The following USP43 variants were observed in gnomAD, a reference collection of about 807,000 sequenced individuals.
USP43 encodes the protein ubiquitin carboxyl-terminal hydrolase 43.
In USP43, 33 loss-of-function variants were observed where a neutral mutation model predicts 90.7. The observed-to-expected ratio is 0.36, with a 90% confidence interval of 0.28 to 0.49. USP43 has a LOEUF of 0.49. Among genes scored for constraint, USP43 ranks in the 20% least tolerant of loss-of-function variants. The pLI is 0.98. For synonymous variants in USP43, 598 were observed against 615.8 expected (o/e 0.97, Z 0.43); for missense variants, 1,274 against 1,476.4 (o/e 0.86, Z 2.25).
In USP43 at chr17:9,694,913, C is replaced by T. The variant is rs1042469000; in HGVS notation, c.1457+1683C>T. Among the ~76,000 whole-genome samples, 10 of 152,284 alleles carry T rather than the reference C, an allele frequency of 6.6e-5. No homozygotes were observed. The Middle Eastern group carries it at 0.01, about 155-fold the overall frequency. Reference sequence around the variant, plus strand: ...TGGTGGGATTACAGGTGTGAGCCACCGCACCCGGCCTATTATTTCTTTTTA... The same window carrying T: ...TGGTGGGATTACAGGTGTGAGCCACTGCACCCGGCCTATTATTTCTTTTTA... On this transcript the variant is annotated intron_variant, in intron 9 of 14. Coordinates refer to ENST00000285199, the MANE Select transcript of USP43 (RefSeq NM_153210.5).
intron 9 of USP43, among the ~76,000 whole-genome samples, chr17:9,699,105 G>A (rs976720287): frequency 5.9e-5 from 9 of 152,346 alleles, no homozygotes; most frequent in African/African-American, 1.7e-4. Flanking sequence ...AGGCATGGGT[G>A]GGGGAGAATG....
At chr17:9,687,241 G>A (rs1914648561) in intron 8 of USP43, among the ~76,000 whole-genome samples, 1 of 151,680 alleles carries the variant, frequency 6.6e-6, no homozygotes, top group Admixed American at 6.6e-5. Flanking sequence ...CATTCCCTAA[G>A]CATTTACATT....
intron 2 of USP43, among the ~76,000 whole-genome samples, chr17:9,657,692 A>T (rs1296008328): frequency 2.0e-5 from 3 of 151,868 alleles, no homozygotes; most frequent in Non-Finnish European, 2.9e-5. Context: ...AACAGCCCTT[A>T]TAAAACCATC....
chr17:9,704,521 T>C (rs1915765233), intron 12 of USP43, among the ~76,000 whole-genome samples: 1 of 152,198 alleles, frequency 6.6e-6, no homozygotes, highest in Non-Finnish European at 1.5e-5. Context: ...TTCACCATGT[T>C]GGACAGGCTG....
rs568014214 is a variant in USP43, at chr17:9,691,222, C to A, written c.1354-1905C>A. On this transcript the variant is annotated intron_variant, in intron 8 of 14. Coordinates refer to ENST00000285199, the MANE Select transcript of USP43 (RefSeq NM_153210.5). The stretch of plus-strand genomic sequence containing the variant: ...CTCCACCTCCCAGATTCAACTGATT[C>A]TCCTGCCTCAGCCTCCTGAGTAGCT... Among the ~76,000 whole-genome samples the A allele has an allele frequency of 4.0e-5, 6 of 151,570 alleles. No homozygotes were observed. In the South Asian group the frequency reaches 1.3e-3, roughly 32 times the overall value.
chr17:9,650,636 C>G (rs186471788), intron 1 of USP43, among the ~76,000 whole-genome samples: 1 of 152,128 alleles, frequency 6.6e-6, no homozygotes, highest in African/African-American at 2.4e-5. Flanking sequence ...CGCCTGACCC[C>G]AAGTGATCCA....
intron 1 of USP43, among the ~76,000 whole-genome samples, chr17:9,654,642 A>G (rs1912107025): frequency 6.7e-6 from 1 of 149,482 alleles, no homozygotes; most frequent in Non-Finnish European, 1.5e-5. Flanking sequence ...AGAGTGAAAC[A>G]CTGTCTTAAA....
At chr17:9,672,221 T>C (rs1913484374) in intron 3 of USP43, among the ~76,000 whole-genome samples, 1 of 152,146 alleles carries the variant, frequency 6.6e-6, no homozygotes, top group African/African-American at 2.4e-5. Flanking sequence ...GGTCTCGAAC[T>C]TCTGACCTCA....
At chr17:9,685,448 T>C (rs1291674473) in intron 7 of USP43, among the ~76,000 whole-genome samples, 1 of 152,216 alleles carries the variant, frequency 6.6e-6, no homozygotes, top group Non-Finnish European at 1.5e-5. Context: ...CATCTGGATT[T>C]ATGTCTCTGC....
intron 9 of USP43, among the ~76,000 whole-genome samples, chr17:9,698,732 G>T (rs1023997310): frequency 1.3e-5 from 2 of 152,180 alleles, no homozygotes; most frequent in Non-Finnish European, 2.9e-5. Context: ...GAGCATGAAG[G>T]TACCAGTTTT....
chr17:9,699,780 G>A (rs1444220098), intron 9 of USP43, among the ~76,000 whole-genome samples: 4 of 152,182 alleles, frequency 2.6e-5, no homozygotes, highest in African/African-American at 9.7e-5. Context: ...CTGCATTGCA[G>A]TTGGGGGAAA....
At chr17:9,702,818 C>T (rs146061002) in intron 12 of USP43, among the ~76,000 whole-genome samples, 12 of 152,202 alleles carry the variant, frequency 7.9e-5, no homozygotes, top group African/African-American at 9.6e-5. Flanking sequence ...TTTCCGCCAT[C>T]GGAGAATGGA....
chr17:9,697,702 T>G (rs1380620316), intron 9 of USP43, among the ~76,000 whole-genome samples: 1 of 149,184 alleles, frequency 6.7e-6, no homozygotes, highest in Non-Finnish European at 1.5e-5. Flanking sequence ...TGTTCTGTGG[T>G]GTACATGTAC....
intron 9 of USP43, among the ~76,000 whole-genome samples, chr17:9,694,117 T>C (rs1915118852): frequency 6.6e-6 from 1 of 152,222 alleles, no homozygotes; most frequent in South Asian, 2.1e-4. Flanking sequence ...ACGAACTGTC[T>C]GGCACTTCTC....
intron 12 of USP43, among the ~76,000 whole-genome samples, chr17:9,703,359 G>A (rs1423118986): frequency 6.6e-6 from 1 of 152,208 alleles, no homozygotes; most frequent in African/African-American, 2.4e-5. Context: ...TAAAACCACA[G>A]CAGGGAGTTA....
chr17:9,682,841 C>G lies in USP43; in HGVS notation c.1124C>G (p.Ser375Trp). 1 of 1,613,924 alleles carries G rather than the reference C, an allele frequency of 6.2e-7. No homozygotes were observed. Among genetic ancestry groups the G allele is most frequent in the Non-Finnish European group, 8.5e-7 (1 of 1,179,840 alleles). The change falls in exon 7 of 15, where the codon TCG becomes TGG. Residue 375 changes from serine to tryptophan, a missense_variant. Transcript: ENST00000285199. Reference protein sequence around the residue: ...GTLSAHPLGLSASPRLAAREG... With the variant: ...GTLSAHPLGLWASPRLAAREG... The stretch of plus-strand genomic sequence containing the variant: ...CTTCTAGCTCATCCACTGGGTCTGT[C>G]GGCCTCCCCACGCCTGGCAGCCCGT...
chr17:9,698,318 CTCTTTAGTTTAATTAAG>C (rs1915389034), intron 9 of USP43, among the ~76,000 whole-genome samples: 1 of 152,092 alleles, frequency 6.6e-6, no homozygotes, highest in Non-Finnish European at 1.5e-5. Context: ...CTGTGCAGAC[CTCTTTAGTTTAATTAAG>C]TCCCATTTTT....
chr17:9,688,939 T>C (rs1405677344), intron 8 of USP43, among the ~76,000 whole-genome samples: 2 of 152,282 alleles, frequency 1.3e-5, no homozygotes, highest in East Asian at 3.9e-4. Context: ...TCCATCTGCC[T>C]CAGCCTCCCA....
At chr17:9,646,702 C>G (rs574701000) in intron 1 of USP43, among the ~76,000 whole-genome samples, 77 of 152,188 alleles carry the variant, frequency 5.1e-4, no homozygotes, top group South Asian at 8.3e-4. Context: ...ATGAGTTTCG[C>G]CAGATCACGT....
Sources: gnomAD v4.1 joint callset for allele counts (sites outside exome capture counted in the v4.1 genomes callset) on GRCh38, gnomAD v4.1.1 for gene constraint, MANE v1.5 for transcripts, NCBI Gene and HGNC (gene_info 2026-07-23, HGNC 2026-07-21) for gene names.